The following RABEP1 variants were observed in gnomAD, a reference collection of about 807,000 sequenced individuals.
The protein encoded by RABEP1 is rab GTPase-binding effector protein 1.
In RABEP1, 51 loss-of-function variants were observed where a neutral mutation model predicts 123.4. The ratio of observed to expected loss-of-function variants is 0.41; its 90% CI spans 0.33 to 0.52. RABEP1 has a LOEUF of 0.52. Among genes scored for constraint, RABEP1 ranks in the 20% least tolerant of loss-of-function variants. The probability of loss-of-function intolerance (pLI) is 0.16; values close to 1 mark genes in which losing one functional copy is unlikely to be tolerated. For synonymous variants in RABEP1, 347 were observed against 355.2 expected, an observed-to-expected ratio of 0.98 and a Z score of 0.26; for missense variants, 888 against 996.3, an observed-to-expected ratio of 0.89 and a Z score of 1.46.
chr17:5,367,676 A>G (rs114646307), intron 11 of RABEP1, among the ~76,000 whole-genome samples: 1,614 of 149,488 alleles, frequency 0.011, 44 homozygotes, highest in African/African-American at 0.037. Flanking sequence ...TTTCAGAACT[A>G]TCTTCTGTTC....
intron 2 of RABEP1, among the ~76,000 whole-genome samples, chr17:5,324,024 T>G (rs1905719353): frequency 6.6e-6 from 1 of 151,712 alleles, no homozygotes; most frequent in South Asian, 2.1e-4. Context: ...CCAAAGCAAT[T>G]TACAGATTCA....
intron 1 of RABEP1, among the ~76,000 whole-genome samples, chr17:5,291,244 A>G (rs140237648): frequency 6.6e-6 from 1 of 151,970 alleles, no homozygotes; most frequent in South Asian, 2.1e-4. Context: ...CCCCGTCTCT[A>G]CTAAAAATAC....
chr17:5,382,929 C>T (rs536100081), intron 17 of RABEP1, among the ~76,000 whole-genome samples, 193 bp from the exon 18 acceptor site: 2 of 144,924 alleles, frequency 1.4e-5, no homozygotes, highest in East Asian at 1.9e-4. Flanking sequence ...ACTCTCCCCC[C>T]CAAAAAAAAA....
intron 16 of RABEP1, 176 bp downstream of exon 16, chr17:5,380,638 T>C (rs1268498303): frequency 2.5e-5 from 16 of 643,966 alleles, no homozygotes; most frequent in Non-Finnish European, 4.2e-5. Context: ...CCAGCTGGGT[T>C]AAATCTTTTC....
chr17:5,363,361 A>G (rs966218360), intron 10 of RABEP1, among the ~76,000 whole-genome samples: 18 of 151,956 alleles, frequency 1.2e-4, no homozygotes, highest in African/African-American at 4.1e-4. Flanking sequence ...CTGGGATTAC[A>G]GGGACACGCC....
rs765788837 is a variant in RABEP1, at chr17:5,361,291, GGACAAT to G, written c.1184_1189del (p.Asn395_Asp396del). The G allele has an allele frequency of 6.2e-7, 1 of 1,613,942 alleles. No individual in the cohort carries two copies. Among genetic ancestry groups the G allele is most frequent in the Non-Finnish European group, 8.5e-7 (1 of 1,180,028 alleles). The stretch of plus-strand genomic sequence containing the variant: ...CATCTGGAGATCCTTTCAGTAAATC[GGACAAT>G]GACATGTTTAAAGATGGACTCAGGA... On this transcript the variant is annotated inframe_deletion, in exon 9 of 18. Coordinates refer to ENST00000537505, the MANE Select transcript of RABEP1 (RefSeq NM_004703.6).
rs746589895 is a variant in RABEP1, at chr17:5,377,303, T to C, written c.2213T>C (p.Ile738Thr). ...GAAATAGAAAACTGCAAGGAGGAAA[T>C]AGGTGAAGATAAAAGTGATGTAGTT... is the stretch of plus-strand genomic sequence containing the variant. ...QLEIENCKEE[I>T]ASISSLKAEL... Residue 738 changes from isoleucine (I) to threonine (T), a missense_variant and splice_region_variant, in exon 14 of 18, where the codon ATA becomes ACA. Transcript: ENST00000537505. 15 of 1,576,218 alleles carry C rather than the reference T, an allele frequency of 9.5e-6. No homozygotes were observed. Among genetic ancestry groups the C allele is most frequent in the Non-Finnish European group, 1.2e-5 (14 of 1,169,736 alleles).
At chr17:5,352,125 A>G (rs916858081) in intron 7 of RABEP1, among the ~76,000 whole-genome samples, 3 of 151,122 alleles carry the variant, frequency 2.0e-5, no homozygotes, top group African/African-American at 4.9e-5. Context: ...TTCTTTTTTA[A>G]ATTTCCTTTT....
At chr17:5,294,227 T>C (rs1475940534) in intron 1 of RABEP1, among the ~76,000 whole-genome samples, 1 of 151,990 alleles carries the variant, frequency 6.6e-6, no homozygotes, top group African/African-American at 2.4e-5. Flanking sequence ...CTACTAAAAA[T>C]ACAAAAGTCA....
Position 5,331,935 on chromosome 17 carries a change from A to G in RABEP1, c.164-14A>G. Reference sequence around the variant, plus strand: ...AGTGAACATTAATGGACTATCTTTTACTTTTCTCTCCAGAGGATCTGAAGA... The same window carrying G: ...AGTGAACATTAATGGACTATCTTTTGCTTTTCTCTCCAGAGGATCTGAAGA... On this transcript the variant is annotated splice_polypyrimidine_tract_variant and intron_variant, in intron 2 of 17. Transcript: ENST00000537505. The G allele has an allele frequency of 6.2e-7, 1 of 1,611,658 alleles. No homozygotes were observed. Among genetic ancestry groups the G allele is most frequent in the Non-Finnish European group, 8.5e-7 (1 of 1,177,838 alleles).
chr17:5,354,599 C>A, intron 8 of RABEP1, 109 bp downstream of exon 8: 1 of 990,006 alleles, frequency 1.0e-6, no homozygotes, highest in Non-Finnish European at 1.4e-6. Flanking sequence ...AAGTGCATAG[C>A]TACGAGGTGA....
intron 2 of RABEP1, among the ~76,000 whole-genome samples, chr17:5,325,709 A>C (rs1905904383): frequency 6.6e-6 from 1 of 151,746 alleles, no homozygotes; most frequent in African/African-American, 2.4e-5. Flanking sequence ...CTTGGTGTCC[A>C]TGGGATGAAA....
intron 8 of RABEP1, 72 bp downstream of exon 8, chr17:5,354,562 AATTAC>A: frequency 7.1e-7 from 1 of 1,399,514 alleles, no homozygotes; most frequent in South Asian, 1.4e-5. Flanking sequence ...TACATCAGTT[AATTAC>A]ATTGTTCATA....
At position 5,307,509 on chromosome 17, in the gene RABEP1, T is replaced by C. The variant is rs1312404803; in HGVS notation, c.35-1185T>C. On this transcript the variant is annotated intron_variant, in intron 1 of 17. Transcript: ENST00000537505. ...AAATTCTAGGCAAATCATCATTATC[T>C]GGAGTGACTTGCAGTAGGAAACTTG... Among the ~76,000 whole-genome samples, 7 of 152,236 alleles carry C rather than the reference T, an allele frequency of 4.6e-5. No homozygotes were observed. In the East Asian group the frequency reaches 1.2e-3, roughly 25 times the overall value.
intron 9 of RABEP1, chr17:5,361,973 G>T: frequency 3.4e-6 from 1 of 293,254 alleles, no homozygotes; most frequent in Non-Finnish European, 6.4e-6. Context: ...ATTTAAGTTA[G>T]AGCAACCTGG....
chr17:5,343,797 T>G (rs1455893932), intron 5 of RABEP1, among the ~76,000 whole-genome samples: 1 of 148,226 alleles, frequency 6.7e-6, no homozygotes, highest in African/African-American at 2.5e-5. Context: ...TGCTTCAGCC[T>G]CTCAAGTAGC....
chr17:5,293,981 A>G (rs2075056934), intron 1 of RABEP1, among the ~76,000 whole-genome samples: 1 of 152,112 alleles, frequency 6.6e-6, no homozygotes, highest in African/African-American at 2.4e-5. Context: ...TTATTTTATA[A>G]TTACAGATAA....
chr17:5,339,478 C>T (rs541028552), intron 5 of RABEP1, among the ~76,000 whole-genome samples: 1 of 152,248 alleles, frequency 6.6e-6, no homozygotes, highest in Admixed American at 6.5e-5. Context: ...CACTGCACTC[C>T]AGTCTACGTG....
At chr17:5,323,072 C>T (rs923784544) in intron 2 of RABEP1, among the ~76,000 whole-genome samples, 2 of 151,720 alleles carry the variant, frequency 1.3e-5, no homozygotes, top group Non-Finnish European at 2.9e-5. Flanking sequence ...GAGAGACTGT[C>T]TCAAAAAAAA....
Sources: gnomAD v4.1 joint callset for allele counts (sites outside exome capture counted in the v4.1 genomes callset) on GRCh38, gnomAD v4.1.1 for gene constraint, MANE v1.5 for transcripts, NCBI Gene and HGNC (gene_info 2026-07-23, HGNC 2026-07-21) for gene names.